NWD2: variants seen among roughly 807,000 people sequenced by gnomAD.
NWD2 encodes NACHT and WD repeat domain containing 2.
Under a neutral mutation model 132.7 loss-of-function variants are expected in NWD2, and 37 were observed. That is an observed-to-expected ratio of 0.28 (90% CI 0.21 to 0.37). The LOEUF (loss-of-function observed/expected upper bound fraction) is 0.37. NWD2 is among the 10% of genes least tolerant of loss of function. NWD2 has a pLI of 1.00. For synonymous variants in NWD2, 705 were observed against 803.0 expected, an observed-to-expected ratio of 0.88 and a Z score of 2.06; for missense variants, 1,592 against 2,122.4, an observed-to-expected ratio of 0.75 and a Z score of 4.91.
chr4:37,387,884 G>A (rs1259206293), intron 3 of NWD2, among the ~76,000 whole-genome samples: 4 of 151,784 alleles, frequency 2.6e-5, no homozygotes. Context: ...ATGTTGGCCA[G>A]GCTGGTCTTG....
At chr4:37,361,394 A>G (rs940152078) in intron 3 of NWD2, among the ~76,000 whole-genome samples, 4 of 152,102 alleles carry the variant, frequency 2.6e-5, no homozygotes, top group African/African-American at 4.8e-5. Context: ...AAAGAAAACT[A>G]CAGGCAAATA....
At chr4:37,354,800 T>A (rs926258169) in intron 2 of NWD2, among the ~76,000 whole-genome samples, 2 of 152,210 alleles carry the variant, frequency 1.3e-5, no homozygotes, top group Admixed American at 1.3e-4. Context: ...GGATATTAAT[T>A]TACCAAAAGG....
chr4:37,444,457 A>T lies in NWD2; in HGVS notation c.2469A>T (p.Glu823Asp). 1 of 1,551,864 alleles carries T rather than the reference A, an allele frequency of 6.4e-7. No homozygotes were observed. Among genetic ancestry groups the T allele is most frequent in the Non-Finnish European group, 8.7e-7 (1 of 1,147,030 alleles). Residue 823 changes from glutamate (E) to aspartate (D), a missense_variant, in exon 7 of 7, where the codon GAA becomes GAT. Glu to Asp is a conservative substitution (Grantham distance 45). Transcript: ENST00000309447. This position sits in a 1 kb window ranked among gnomAD's most constrained non-coding sequence, Gnocchi z 4.8. ...GGGTTTTCCAGTGTAATCCCCTGGAACCTGACATCTTTTTCGTTAATCATC... is the reference window on the plus strand; with the variant it reads ...GGGTTTTCCAGTGTAATCCCCTGGATCCTGACATCTTTTTCGTTAATCATC... ...QPWVFQCNPL[E>D]PDIFFVNHRK...
At position 37,326,044 on chromosome 4, in the gene NWD2, C is replaced by G. The variant is rs752364503; in HGVS notation, c.240+20C>G. On this transcript the variant is annotated intron_variant, in intron 2 of 6. Transcript: ENST00000309447. The stretch of plus-strand genomic sequence containing the variant: ...TTTCAGGTAATTCTAGTGTTAATTT[C>G]ATTCACAGTTATGTCCAGTTAAATA... 1 of 1,386,914 alleles carries G rather than the reference C, an allele frequency of 7.2e-7. No homozygotes were observed. The highest frequency in any genetic ancestry group is 1.2e-5 in the South Asian group (1 of 80,064). The allele number at this position is 1,386,914 out of a possible 1,614,324, so 85.9% of individuals were successfully genotyped here. A position where few individuals can be genotyped will look rare whatever the true frequency, so the allele number is the denominator to read the frequency against.
chr4:37,448,351 T>TA lies in NWD2; in HGVS notation c.*1134_*1135insA, dbSNP rs1348558540. 6.6e-6 allele frequency: 1 copy of TA among 152,230 alleles called. No homozygotes were observed. The highest frequency in any genetic ancestry group is 1.5e-5 in the Non-Finnish European group (1 of 68,034). The allele number at this position is 152,230 out of a possible 1,614,324, so 9.4% of individuals were successfully genotyped here. A position where few individuals can be genotyped will look rare whatever the true frequency, so the allele number is the denominator to read the frequency against. ...TTTATTGTCCTTGTTTGTAATCACT[T>TA]TCTTACTTCTACACACCATCTGTAT... is the stretch of plus-strand genomic sequence containing the variant. On this transcript the variant is annotated 3_prime_UTR_variant, in exon 7 of 7. Coordinates refer to ENST00000309447, the MANE Select transcript of NWD2 (RefSeq NM_001144990.2).
intron 3 of NWD2, among the ~76,000 whole-genome samples, chr4:37,360,249 T>G (rs1288509484): frequency 6.6e-6 from 1 of 152,154 alleles, no homozygotes; most frequent in Non-Finnish European, 1.5e-5. Context: ...AACCAGTAAT[T>G]TTAGACCAAA....
intron 1 of NWD2, among the ~76,000 whole-genome samples, chr4:37,316,105 T>C (rs750997644): frequency 3.9e-5 from 6 of 152,116 alleles, no homozygotes; most frequent in Non-Finnish European, 8.8e-5. Flanking sequence ...TTTTCCAGTA[T>C]ACTTTATGTC....
At chr4:37,336,842 G>A (rs1314888083) in intron 2 of NWD2, among the ~76,000 whole-genome samples, 1 of 151,696 alleles carries the variant, frequency 6.6e-6, no homozygotes, top group African/African-American at 2.4e-5. Context: ...GGGAGGCTGA[G>A]GCAGGAGAAT....
chr4:37,265,906 A>G lies in NWD2; in HGVS notation c.151+20688A>G, dbSNP rs138635846. Among the ~76,000 whole-genome samples, 6 of 151,642 alleles carry G rather than the reference A, an allele frequency of 4.0e-5. No individual in the cohort carries two copies. In the Admixed American group the frequency reaches 4.0e-4, roughly 10 times the overall value. On this transcript the variant is annotated intron_variant, in intron 1 of 6. Coordinates refer to ENST00000309447, the MANE Select transcript of NWD2 (RefSeq NM_001144990.2). ...GGCTGTGCACATCTTTCAGGGGGCC[A>G]TTATTTAGCTTACCACATTATTTAG... is the stretch of plus-strand genomic sequence containing the variant.
chr4:37,392,584 C>G (rs2109312303), intron 3 of NWD2, among the ~76,000 whole-genome samples: 1 of 152,274 alleles, frequency 6.6e-6, no homozygotes, highest in Non-Finnish European at 1.5e-5. Flanking sequence ...TTGAGAATCA[C>G]TGGTGTAGAT....
At chr4:37,290,383 T>C (rs73240355) in intron 1 of NWD2, among the ~76,000 whole-genome samples, 17,366 of 152,220 alleles carry the variant, frequency 0.11, 1,104 homozygotes, top group Middle Eastern at 0.16. Context: ...CTGAACAAGA[T>C]AGACATGGTT....
intron 3 of NWD2, among the ~76,000 whole-genome samples, chr4:37,427,923 C>G (rs1192014801): frequency 6.6e-6 from 1 of 152,226 alleles, no homozygotes; most frequent in Non-Finnish European, 1.5e-5. Context: ...CAAATTGTTA[C>G]TCTACCTATT....
intron 3 of NWD2, among the ~76,000 whole-genome samples, chr4:37,428,788 A>G (rs1433626908): frequency 2.6e-5 from 4 of 152,242 alleles, no homozygotes; most frequent in African/African-American, 9.6e-5. Flanking sequence ...CTGGAGTGCA[A>G]TGGCACGATC....
At chr4:37,402,556 T>C (rs993740690) in intron 3 of NWD2, among the ~76,000 whole-genome samples, 1 of 152,226 alleles carries the variant, frequency 6.6e-6, no homozygotes, top group African/African-American at 2.4e-5. Context: ...TCTGTAATAT[T>C]ATTTAAATGC....
intron 1 of NWD2, among the ~76,000 whole-genome samples, chr4:37,253,261 G>A (rs1461572544): frequency 1.3e-5 from 2 of 152,172 alleles, no homozygotes; most frequent in African/African-American, 2.4e-5. Flanking sequence ...GCAGATAGAA[G>A]ATCAAAATAT....
At chr4:37,314,697 T>G (rs758971434) in intron 1 of NWD2, among the ~76,000 whole-genome samples, 2 of 152,192 alleles carry the variant, frequency 1.3e-5, no homozygotes, top group African/African-American at 2.4e-5. Context: ...AGTTGATAAT[T>G]GTACTGATCT....
Position 37,446,092 on chromosome 4 carries a change from C to T in NWD2, c.4104C>T (p.Thr1368=), listed in dbSNP as rs112050427. 67 of 1,551,570 alleles carry T rather than the reference C, an allele frequency of 4.3e-5. No homozygotes were observed. In the African/African-American group the frequency reaches 6.0e-4, roughly 14 times the overall value. Residue 1368 remains threonine (T), a synonymous_variant, in exon 7 of 7, where the codon ACC becomes ACT. Transcript: ENST00000309447. This position sits in a 1 kb window ranked among gnomAD's most constrained non-coding sequence, Gnocchi z 6.7. Reference sequence around the variant, plus strand: ...TTGAACACTGTGTGTTAACATCCACCGGAGATATAATGGTGACATCAGATG... The same window carrying T: ...TTGAACACTGTGTGTTAACATCCACTGGAGATATAATGGTGACATCAGATG... The part of the protein sequence containing the change: ...GIVEHCVLTS[T]GDIMVTSDDK...
chr4:37,394,801 T>TTG (rs1560411754), intron 3 of NWD2, among the ~76,000 whole-genome samples: 13 of 79,612 alleles, frequency 1.6e-4, no homozygotes, highest in African/African-American at 5.0e-4. Context: ...CCTTTATGGT[T>TTG]TTTTTTTTTT....
intron 1 of NWD2, among the ~76,000 whole-genome samples, chr4:37,316,169 A>C (rs1190134148): frequency 6.6e-6 from 1 of 152,104 alleles, no homozygotes; most frequent in Non-Finnish European, 1.5e-5. Context: ...TCTATAATGC[A>C]GATCTGCTAG....
Sources: allele counts gnomAD v4.1 joint callset (sites outside exome capture counted in the v4.1 genomes callset), GRCh38; gene constraint gnomAD v4.1.1; non-coding constraint Gnocchi (gnomAD v3.1); transcripts MANE v1.5; gene names NCBI Gene and HGNC (gene_info 2026-07-23, HGNC 2026-07-21).